CTNNA3: variants seen among roughly 807,000 people sequenced by gnomAD.
The protein encoded by CTNNA3 is catenin alpha 3.
CTNNA3 carries 76 observed loss-of-function variants against 95.7 expected under a neutral mutation model. The observed-to-expected ratio is 0.79, with a 90% CI of 0.66 to 0.96. The LOEUF is 0.96. Among genes scored for constraint, CTNNA3 ranks in the 40% least tolerant of loss-of-function variants. The probability of loss-of-function intolerance (pLI) is 0.00; values close to 1 mark genes in which losing one functional copy is unlikely to be tolerated. For missense variants in CTNNA3, 1,191 were observed against 1,089.8 expected, an observed-to-expected ratio of 1.09 and a Z score of -1.31; for synonymous variants, 431 against 374.4, an observed-to-expected ratio of 1.15 and a Z score of -1.74.
At chr10:65,943,094 C>T (rs1484129737) in intron 17 of CTNNA3, among the ~76,000 whole-genome samples, 2 of 147,888 alleles carry the variant, frequency 1.4e-5, no homozygotes, top group Admixed American at 6.8e-5. Flanking sequence ...GACGGAGTCT[C>T]GCTCTGTGGC....
At chr10:66,972,479 T>C (rs1260107547) in intron 7 of CTNNA3, among the ~76,000 whole-genome samples, 3 of 152,000 alleles carry the variant, frequency 2.0e-5, no homozygotes, top group African/African-American at 7.3e-5. Flanking sequence ...AACGTAAAAA[T>C]CATTATTTTC....
intron 5 of CTNNA3, among the ~76,000 whole-genome samples, chr10:67,236,747 C>G (rs910256123): frequency 6.6e-6 from 1 of 151,568 alleles, no homozygotes; most frequent in Non-Finnish European, 1.5e-5. Context: ...CACTAATGAT[C>G]AGGGAAATGC....
intron 5 of CTNNA3, among the ~76,000 whole-genome samples, chr10:67,478,898 G>T (rs1026453357): frequency 8.0e-5 from 12 of 150,040 alleles, no homozygotes; most frequent in African/African-American, 2.4e-4. Context: ...ACACCCATAG[G>T]CTACCAAGTA....
chr10:66,336,086 A>G (rs1250455583), intron 12 of CTNNA3, among the ~76,000 whole-genome samples: 1 of 152,216 alleles, frequency 6.6e-6, no homozygotes, highest in East Asian at 1.9e-4. Context: ...GGAAAAGCGC[A>G]GTATTAGGGT....
intron 7 of CTNNA3, among the ~76,000 whole-genome samples, chr10:66,938,993 A>T (rs1847863636): frequency 6.6e-6 from 1 of 152,090 alleles, no homozygotes; most frequent in Non-Finnish European, 1.5e-5. Context: ...TCTCAGCCCC[A>T]GTTCTGCAAG....
At chr10:67,366,004 A>G (rs558815524) in intron 5 of CTNNA3, among the ~76,000 whole-genome samples, 1 of 152,352 alleles carries the variant, frequency 6.6e-6, no homozygotes, top group Admixed American at 6.5e-5. Context: ...AGACTGGATT[A>G]AGAAAATGTG....
rs535007890 is a variant in CTNNA3 at position 66,152,302 on chromosome 10, T to G, written c.1885-49053A>C. Among the ~76,000 whole-genome samples, 5 of 152,026 alleles carry G rather than the reference T, an allele frequency of 3.3e-5. No homozygotes were observed. In the South Asian group the frequency reaches 1.0e-3, roughly 32 times the overall value. ...TTGGAAAAATACCAGAAAATAAAGA[T>G]ACAGGCACTGATAATACAGATATTA... On this transcript the variant is annotated intron_variant, in intron 13 of 17. Coordinates refer to ENST00000433211, the MANE Select transcript of CTNNA3 (RefSeq NM_013266.4).
intron 7 of CTNNA3, among the ~76,000 whole-genome samples, chr10:66,995,292 C>A (rs1246566249): frequency 6.6e-6 from 1 of 152,146 alleles, no homozygotes; most frequent in Non-Finnish European, 1.5e-5. Context: ...TCTGTTACTT[C>A]TCATATCAAA....
intron 10 of CTNNA3, among the ~76,000 whole-genome samples, chr10:66,614,433 G>T (rs995698824): frequency 2.0e-5 from 3 of 151,934 alleles, no homozygotes; most frequent in African/African-American, 7.2e-5. Flanking sequence ...TATCCTCATG[G>T]AGTTTATGGC....
At chr10:66,522,830 AT>A (rs1221497043) in intron 10 of CTNNA3, among the ~76,000 whole-genome samples, 1 of 151,802 alleles carries the variant, frequency 6.6e-6, no homozygotes, top group Non-Finnish European at 1.5e-5. Context: ...TCTATGCATA[AT>A]TTTTTCATAA....
At chr10:66,379,517 C>T (rs1027410509) in intron 11 of CTNNA3, among the ~76,000 whole-genome samples, 165 bp from the exon 12 acceptor site, 2 of 152,076 alleles carry the variant, frequency 1.3e-5, no homozygotes, top group Non-Finnish European at 2.9e-5. Flanking sequence ...TTGCTTACAT[C>T]CCTTTATTCT....
At position 66,354,603 on chromosome 10, in the gene CTNNA3, T is replaced by C. The variant is rs2092595107; in HGVS notation, c.1732+24549A>G. Among the ~76,000 whole-genome samples the C allele has an allele frequency of 1.3e-5, 2 of 152,070 alleles. 1 individual carries two copies. The highest frequency in any genetic ancestry group is 4.1e-4 in the South Asian group (2 of 4,822). ...TCTGTCTTTTAGAGTAAGTGGATCG[T>C]TGAAAATGCCTCCTCTTTTTGCCAT... On this transcript the variant is annotated intron_variant, in intron 12 of 17. Coordinates refer to ENST00000433211, the MANE Select transcript of CTNNA3 (RefSeq NM_013266.4).
chr10:66,503,478 T>TTA (rs1160921113), intron 11 of CTNNA3, among the ~76,000 whole-genome samples: 1 of 151,940 alleles, frequency 6.6e-6, no homozygotes. Flanking sequence ...AAAACAGATT[T>TTA]TTTTTTTTAA....
intron 7 of CTNNA3, among the ~76,000 whole-genome samples, chr10:66,966,540 G>C (rs1849422628): frequency 6.6e-6 from 1 of 151,826 alleles, no homozygotes; most frequent in African/African-American, 2.4e-5. Flanking sequence ...CTAAAAATGA[G>C]CTATCAGATT....
chr10:66,668,136 G>C (rs984953267), intron 9 of CTNNA3, among the ~76,000 whole-genome samples: 24 of 151,954 alleles, frequency 1.6e-4, no homozygotes, highest in African/African-American at 5.3e-4. Context: ...CTTCTAATAA[G>C]GGTATATTAA....
At chr10:66,577,285 A>G (rs759704789) in intron 10 of CTNNA3, among the ~76,000 whole-genome samples, 12 of 151,964 alleles carry the variant, frequency 7.9e-5, no homozygotes, top group Non-Finnish European at 1.5e-4. Context: ...TTGTCTGTTT[A>G]TTCTATTGAT....
intron 11 of CTNNA3, among the ~76,000 whole-genome samples, chr10:66,411,264 A>G (rs937453827): frequency 2.6e-5 from 4 of 152,194 alleles, no homozygotes; most frequent in African/African-American, 4.8e-5. Flanking sequence ...GAATATTAAG[A>G]AAAATAATAT....
At chr10:67,130,458 G>A (rs773888605) in intron 7 of CTNNA3, among the ~76,000 whole-genome samples, 3 of 152,104 alleles carry the variant, frequency 2.0e-5, no homozygotes, top group Non-Finnish European at 2.9e-5. Context: ...GGGAGATATT[G>A]GATAGACTCA....
chr10:67,561,945 G>C (rs1358427446), intron 3 of CTNNA3, among the ~76,000 whole-genome samples: 2 of 152,150 alleles, frequency 1.3e-5, no homozygotes, highest in African/African-American at 4.8e-5. Context: ...CCACGAAGAA[G>C]TTGAATCTCT....
Sources: allele counts gnomAD v4.1 joint callset (sites outside exome capture counted in the v4.1 genomes callset), GRCh38; gene constraint gnomAD v4.1.1; transcripts MANE v1.5; gene names NCBI Gene and HGNC (gene_info 2026-07-23, HGNC 2026-07-21).